Variants in THSD7B observed in about 807,000 individuals in gnomAD.
THSD7B encodes thrombospondin type 1 domain containing 7B.
In THSD7B, 138 loss-of-function variants were observed where a neutral mutation model predicts 213.6. That is an observed-to-expected ratio of 0.65 (90% CI 0.56 to 0.74). The LOEUF is 0.74. Among genes scored for constraint, THSD7B ranks in the 30% least tolerant of loss-of-function variants. The pLI is 0.00. For missense variants in THSD7B, 1,931 were observed against 1,991.5 expected (o/e 0.97, Z 0.58); for synonymous variants, 742 against 687.0 (o/e 1.08, Z -1.25).
chr2:136,975,579 G>A (rs753975207), intron 2 of THSD7B, among the ~76,000 whole-genome samples: 1 of 152,114 alleles, frequency 6.6e-6, no homozygotes, highest in African/African-American at 2.4e-5. Flanking sequence ...TGCTGTTTTG[G>A]ATACTGTGGC....
chr2:137,572,829 T>G (rs1050339985), intron 17 of THSD7B, among the ~76,000 whole-genome samples: 2 of 152,128 alleles, frequency 1.3e-5, no homozygotes, highest in African/African-American at 4.8e-5. Flanking sequence ...AGGATTCAAC[T>G]GTGCACCCAT....
At chr2:137,549,846 C>G (rs1680811895) in intron 15 of THSD7B, among the ~76,000 whole-genome samples, 1 of 151,972 alleles carries the variant, frequency 6.6e-6, no homozygotes, top group Admixed American at 6.6e-5. Flanking sequence ...TCCATAACCT[C>G]TTTTCTGAAG....
intron 11 of THSD7B, among the ~76,000 whole-genome samples, chr2:137,275,007 C>T (rs1682836095): frequency 6.6e-6 from 1 of 151,806 alleles, no homozygotes; most frequent in African/African-American, 2.4e-5. Flanking sequence ...GGTACTGGCT[C>T]ATATGAAAAG....
intron 15 of THSD7B, among the ~76,000 whole-genome samples, chr2:137,510,529 A>G (rs1393339351): frequency 6.6e-6 from 1 of 152,170 alleles, no homozygotes. Context: ...TGTATTTTAT[A>G]TATTTACACC....
chr2:137,030,106 C>T (rs7581350), intron 2 of THSD7B, among the ~76,000 whole-genome samples: 10,495 of 151,840 alleles, frequency 0.069, 745 homozygotes, highest in East Asian at 0.21. Flanking sequence ...TGTGTGGGTG[C>T]GTGCATGAGT....
chr2:136,890,303 C>CCTCCTCCTCTTCTTCTTCTT lies in THSD7B; in HGVS notation c.139+7988_139+7989insCCTCCTCTTCTTCTTCTTCT, dbSNP rs1553455794. 7.7e-4 allele frequency among the ~76,000 whole-genome samples: 4 copies of CCTCCTCCTCTTCTTCTTCTT among 5,162 alleles called. 1 individual carries two copies. The highest frequency in any genetic ancestry group is 2.3e-3 in the African/African-American group (4 of 1,748). The allele number at this position is 5,162 out of a possible 152,430, so 3.4% of individuals were successfully genotyped here. On this transcript the variant is annotated intron_variant, in intron 2 of 27. Coordinates refer to ENST00000409968, the MANE Select transcript of THSD7B (RefSeq NM_001316349.2). ...TGCTCATTCATGTCCATGTCCTACT[C>CCTCCTCCTCTTCTTCTTCTT]CTTCTTCTTCTTCTTCTTCTTCTTC...
chr2:136,885,231 G>T (rs187552029), intron 2 of THSD7B, among the ~76,000 whole-genome samples: 2 of 152,138 alleles, frequency 1.3e-5, no homozygotes, highest in East Asian at 3.9e-4. Flanking sequence ...CTCTTTTGCT[G>T]GTGTCTATTG....
intron 1 of THSD7B, among the ~76,000 whole-genome samples, chr2:136,825,677 G>A (rs534025077): frequency 4.6e-4 from 68 of 148,964 alleles, no homozygotes; most frequent in Middle Eastern, 3.6e-3. Flanking sequence ...TCAGCCTCCC[G>A]AGTAGCTGGG....
intron 15 of THSD7B, among the ~76,000 whole-genome samples, chr2:137,519,055 G>C (rs1314707048): frequency 2.0e-5 from 3 of 152,168 alleles, no homozygotes; most frequent in Non-Finnish European, 4.4e-5. Context: ...AGACCAGCCT[G>C]GCTAATATGG....
chr2:137,363,994 A>T lies in THSD7B; in HGVS notation c.2501-41619A>T, dbSNP rs570222211. On this transcript the variant is annotated intron_variant, in intron 12 of 27. Coordinates refer to ENST00000409968, the MANE Select transcript of THSD7B (RefSeq NM_001316349.2). ...GAACTTTGATGTGAAAATCCTCAAT[A>T]AAATACTGGGAAACTGAATCCAGCA... Among the ~76,000 whole-genome samples the T allele has an allele frequency of 3.9e-5, 6 of 152,350 alleles. No individual in the cohort carries two copies. The East Asian group carries it at 9.6e-4, about 24-fold the overall frequency.
At chr2:137,665,188 A>G (rs970177212) in intron 26 of THSD7B, among the ~76,000 whole-genome samples, 1 of 152,230 alleles carries the variant, frequency 6.6e-6, no homozygotes, top group African/African-American at 2.4e-5. Flanking sequence ...AGGAAGCATG[A>G]TATTAAATAT....
chr2:136,971,162 A>G (rs1371053182), intron 2 of THSD7B, among the ~76,000 whole-genome samples: 1 of 152,212 alleles, frequency 6.6e-6, no homozygotes, highest in Admixed American at 6.5e-5. Context: ...GGGCGGTTAT[A>G]GAACTGTAAA....
At chr2:137,435,630 G>C (rs191313080) in intron 14 of THSD7B, among the ~76,000 whole-genome samples, 58 of 152,134 alleles carry the variant, frequency 3.8e-4, no homozygotes, top group African/African-American at 1.3e-3. Context: ...TCATGTCCAC[G>C]GGCAATGATC....
chr2:136,794,868 A>G (rs1292949461), intron 1 of THSD7B, among the ~76,000 whole-genome samples: 2 of 151,938 alleles, frequency 1.3e-5, no homozygotes, highest in Non-Finnish European at 1.5e-5. Flanking sequence ...TAGGATATCC[A>G]TGTCTTTCAG....
At chr2:137,555,587 T>TG (rs1212317387) in intron 15 of THSD7B, among the ~76,000 whole-genome samples, 2 of 148,416 alleles carry the variant, frequency 1.3e-5, no homozygotes, top group African/African-American at 5.0e-5. Context: ...ACCACCAAGA[T>TG]GGGGAAAAAA....
intron 1 of THSD7B, among the ~76,000 whole-genome samples, chr2:136,852,894 T>A (rs1160065583): frequency 6.6e-6 from 1 of 152,144 alleles, no homozygotes; most frequent in Non-Finnish European, 1.5e-5. Context: ...TTAAAAAAAT[T>A]GTATATGATT....
intron 15 of THSD7B, among the ~76,000 whole-genome samples, chr2:137,509,217 C>T (rs1458688301): frequency 6.6e-6 from 1 of 152,054 alleles, no homozygotes; most frequent in Non-Finnish European, 1.5e-5. Flanking sequence ...CTAAGGTCAC[C>T]TTCCTGTCTT....
At chr2:137,298,877 C>T (rs1161842435) in intron 12 of THSD7B, among the ~76,000 whole-genome samples, 1 of 152,180 alleles carries the variant, frequency 6.6e-6, no homozygotes. Flanking sequence ...GCGGGGCCCT[C>T]ATGGAGAACC....
At chr2:137,013,915 G>C (rs1178001000) in intron 2 of THSD7B, among the ~76,000 whole-genome samples, 1 of 152,196 alleles carries the variant, frequency 6.6e-6, no homozygotes, top group Non-Finnish European at 1.5e-5. Context: ...ACAGCAGTCT[G>C]TTACATTCAT....
Sources: allele counts gnomAD v4.1 joint callset (sites outside exome capture counted in the v4.1 genomes callset), GRCh38; gene constraint gnomAD v4.1.1; transcripts MANE v1.5; gene names NCBI Gene and HGNC (gene_info 2026-07-23, HGNC 2026-07-21).